LAMA3: variants seen among roughly 807,000 people sequenced by gnomAD.
LAMA3 encodes laminin subunit alpha-3.
A neutral mutation model predicts 402.0 loss-of-function variants in LAMA3; 281 were observed. That is an observed-to-expected ratio of 0.70 (90% CI 0.63 to 0.77). LAMA3 has a LOEUF of 0.77. Ranked by LOEUF, LAMA3 falls within the 30% of genes least tolerant of loss-of-function variation. The pLI, the probability that LAMA3 is intolerant of heterozygous loss-of-function variation, is 0.00. For synonymous variants in LAMA3, 1,431 were observed against 1,558.4 expected (o/e 0.92, Z 1.93); for missense variants, 3,840 against 4,215.5 (o/e 0.91, Z 2.47).
intron 42 of LAMA3, among the ~76,000 whole-genome samples, chr18:23,893,268 A>T (rs1468163644): frequency 2.0e-5 from 3 of 152,192 alleles, no homozygotes; most frequent in Non-Finnish European, 2.9e-5. Context: ...AAGTGAGAGG[A>T]CATGTCAATG....
At position 23,898,652 on chromosome 18, in the gene LAMA3, A is replaced by G. The variant is rs191351527; in HGVS notation, c.5614-86A>G. The G allele has an allele frequency of 1.5e-3, 1,258 of 818,926 alleles. 5 individuals carry two copies. The highest frequency in any genetic ancestry group is 2.0e-3 in the Non-Finnish European group (900 of 457,436). 50.7% of individuals were successfully genotyped at this position (818,926 alleles called of 1,614,324 possible). A position where few individuals can be genotyped will look rare whatever the true frequency, so the allele number is the denominator to read the frequency against. On this transcript the variant is annotated intron_variant, in intron 44 of 74. Transcript: ENST00000313654. ...GAACTGAAAATGGTCTTGCCAAATG[A>G]TTCTTCATTTATAACCCTGTTGACC...
At chr18:23,788,801 G>T (rs922491692) in intron 12 of LAMA3, among the ~76,000 whole-genome samples, 1 of 151,656 alleles carries the variant, frequency 6.6e-6, no homozygotes, top group Non-Finnish European at 1.5e-5. Flanking sequence ...TCTTGCACTC[G>T]AAAGGGCACT....
intron 12 of LAMA3, among the ~76,000 whole-genome samples, chr18:23,795,816 GAC>G (rs1712145696): frequency 6.6e-6 from 1 of 151,998 alleles, no homozygotes; most frequent in East Asian, 1.9e-4. Flanking sequence ...GCAGCTCTTA[GAC>G]ACACATTATT....
At chr18:23,897,753 C>G (rs140363756) in intron 44 of LAMA3, among the ~76,000 whole-genome samples, 3 of 152,338 alleles carry the variant, frequency 2.0e-5, no homozygotes, top group African/African-American at 7.2e-5. Context: ...TATCTTCTTG[C>G]TGTATCACAC....
At chr18:23,776,736 A>G (rs1391081270) in intron 10 of LAMA3, among the ~76,000 whole-genome samples, 1 of 151,764 alleles carries the variant, frequency 6.6e-6, no homozygotes, top group Non-Finnish European at 1.5e-5. Context: ...CTTAAATTGC[A>G]CCCACTTTCT....
Position 23,951,756 on chromosome 18 carries a change from G to A in LAMA3, c.9715G>A (p.Gly3239Arg). The change falls in exon 73 of 75, where the codon GGA (glycine) becomes AGA (arginine). Residue 3239 changes from glycine to arginine, a missense_variant. Coordinates refer to ENST00000313654, the MANE Select transcript of LAMA3 (RefSeq NM_198129.4). ...CACACCAAAGCAGTCTCTGTGTGAT[G>A]GACAGTGGCACTCGGTGGCAGGTAT... is the stretch of plus-strand genomic sequence containing the variant. Reference protein sequence around the residue: ...SVTPKQSLCDGQWHSVAVTIK... With the variant: ...SVTPKQSLCDRQWHSVAVTIK... The A allele has an allele frequency of 6.2e-7, 1 of 1,613,718 alleles. No individual in the cohort carries two copies. Among genetic ancestry groups the A allele is most frequent in the Non-Finnish European group, 8.5e-7 (1 of 1,179,660 alleles).
Position 23,912,746 on chromosome 18 carries a change from A to G in LAMA3, c.7194A>G (p.Gly2398=). The G allele has an allele frequency of 2.5e-6, 4 of 1,614,146 alleles. No individual in the cohort carries two copies. The highest frequency in any genetic ancestry group is 3.4e-6 in the Non-Finnish European group (4 of 1,179,976). Reference sequence around the variant, plus strand: ...CCATGAGGTTCAATGGTAAATCTGGAGTCGAAGTCCGACTGCCAAATGACC... The same window carrying G: ...CCATGAGGTTCAATGGTAAATCTGGGGTCGAAGTCCGACTGCCAAATGACC... ...AVPMRFNGKS[G]VEVRLPNDLE... is the part of the protein sequence containing the mutation. The change falls in exon 56 of 75, where the codon GGA becomes GGG. Residue 2398 remains glycine, a synonymous_variant. Coordinates refer to ENST00000313654, the MANE Select transcript of LAMA3 (RefSeq NM_198129.4).
Position 23,846,370 on chromosome 18 carries a change from C to T in LAMA3, c.3793C>T (p.Pro1265Ser). 2 of 1,614,242 alleles carry T rather than the reference C, an allele frequency of 1.2e-6. No individual in the cohort carries two copies. Among genetic ancestry groups the T allele is most frequent in the Non-Finnish European group, 1.7e-6 (2 of 1,180,042 alleles). The change falls in exon 31 of 75, where the codon CCT (proline) becomes TCT (serine). Residue 1265 changes from proline to serine, a missense_variant. Pro to Ser is a moderately conservative substitution (Grantham distance 74). Coordinates refer to ENST00000313654, the MANE Select transcript of LAMA3 (RefSeq NM_198129.4). ...LVAFYHKGALPCECHPTGATG... is the reference protein window; with the variant it reads ...LVAFYHKGALSCECHPTGATG... Reference sequence around the variant, plus strand: ...GGCCTTTTACCACAAGGGCGCCCTGCCTTGTGAGTGCCACCCCACTGGGGC... The same window carrying T: ...GGCCTTTTACCACAAGGGCGCCCTGTCTTGTGAGTGCCACCCCACTGGGGC...
At position 23,713,952 on chromosome 18, in the gene LAMA3, C is replaced by A. The variant is rs1398370129; in HGVS notation, c.327C>A (p.Asp109Glu). Residue 109 changes from aspartate to glutamate, a missense_variant, in exon 2 of 75, where the codon GAC (aspartate) becomes GAA (glutamate). Asp to Glu is a conservative substitution (Grantham distance 45). Transcript: ENST00000313654. ...GQFCDYCNSE[D>E]PRKAHPVTNA... ...TCTGTGACTATTGCAATTCTGAAGA[C>A]CCCAGGAAAGCACATCCTGTCACCA... is the stretch of plus-strand genomic sequence containing the variant. The A allele has an allele frequency of 6.2e-7, 1 of 1,613,396 alleles. No individual in the cohort carries two copies. The highest frequency in any genetic ancestry group is 8.5e-7 in the Non-Finnish European group (1 of 1,179,866).
At position 23,819,871 on chromosome 18, in the gene LAMA3, G is replaced by A. The variant is rs373205002; in HGVS notation, c.2178G>A (p.Leu726=). ...RPENNYYFPD[L]HHMKYEIEDG... ...AAAACAACTACTATTTCCCAGATTT[G>A]CATCATATGAAGTATGAGATTGAAG... Residue 726 remains leucine, a synonymous_variant, in exon 19 of 75, where the codon TTG becomes TTA. Transcript: ENST00000313654. The A allele has an allele frequency of 1.4e-4, 223 of 1,613,908 alleles. No homozygotes were observed. The highest frequency in any genetic ancestry group is 1.9e-4 in the Non-Finnish European group (220 of 1,179,948).
chr18:23,805,605 A>G (rs921036740), intron 12 of LAMA3, among the ~76,000 whole-genome samples: 2 of 152,206 alleles, frequency 1.3e-5, no homozygotes, highest in African/African-American at 4.8e-5. Flanking sequence ...CACTGCCCTC[A>G]TTATAAGATG....
chr18:23,859,463 T>C (rs1224230616), intron 34 of LAMA3, among the ~76,000 whole-genome samples: 1 of 152,208 alleles, frequency 6.6e-6, no homozygotes, highest in African/African-American at 2.4e-5. Context: ...CCAGTACTTC[T>C]CCAGTGCTTT....
chr18:23,776,409 A>C (rs2062319941), intron 10 of LAMA3, among the ~76,000 whole-genome samples: 1 of 152,236 alleles, frequency 6.6e-6, no homozygotes, highest in Non-Finnish European at 1.5e-5. Context: ...AGAGAAAAAA[A>C]TACATATCTG....
At chr18:23,700,028 C>A (rs904068189) in intron 1 of LAMA3, among the ~76,000 whole-genome samples, 10 of 151,994 alleles carry the variant, frequency 6.6e-5, no homozygotes, top group Admixed American at 1.3e-4. Flanking sequence ...TATCACAAAC[C>A]CTTGCAGCAG....
rs762675518 is a variant in LAMA3 at position 23,939,326 on chromosome 18, T to C, written c.8966T>C (p.Phe2989Ser). 9.3e-6 allele frequency: 15 copies of C among 1,614,086 alleles called. No homozygotes were observed. The highest frequency in any genetic ancestry group is 1.1e-5 in the South Asian group (1 of 91,090). The change falls in exon 68 of 75, where the codon TTT (phenylalanine) becomes TCT (serine). Residue 2989 changes from phenylalanine to serine, a missense_variant. Phe to Ser is a radical substitution (Grantham distance 155). Around this residue, in one of 3 missense-constraint regions of LAMA3, gnomAD observed 840 missense variants for 981.9 expected, o/e 0.86. Coordinates refer to ENST00000313654, the MANE Select transcript of LAMA3 (RefSeq NM_198129.4). Reference protein sequence around the residue: ...KTQANHGALQFGDIPTSHLLF... With the variant: ...KTQANHGALQSGDIPTSHLLF... The stretch of plus-strand genomic sequence containing the variant: ...CAGGCCAATCATGGAGCCCTCCAGT[T>C]TGGGGACATTCCCACCAGCCACTTG...
chr18:23,902,383 A>G (rs989382748), intron 48 of LAMA3, among the ~76,000 whole-genome samples: 1 of 152,210 alleles, frequency 6.6e-6, no homozygotes, highest in Non-Finnish European at 1.5e-5. Flanking sequence ...ATAGGGTTAC[A>G]AAACAACAGT....
At chr18:23,791,002 T>C (rs9955404) in intron 12 of LAMA3, among the ~76,000 whole-genome samples, 35,597 of 151,716 alleles carry the variant, frequency 0.23, 6,122 homozygotes, top group East Asian at 0.65. Context: ...CATTCTCCTG[T>C]CTCAGCCTCT....
At chr18:23,948,588 G>C (rs1338080081) in intron 70 of LAMA3, among the ~76,000 whole-genome samples, 1 of 120,206 alleles carries the variant, frequency 8.3e-6, no homozygotes, top group Admixed American at 8.5e-5. Context: ...TTTTTTTTTT[G>C]AGTTGGAGTC....
intron 1 of LAMA3, among the ~76,000 whole-genome samples, chr18:23,691,401 GA>G (rs1401627283): frequency 6.6e-6 from 1 of 151,830 alleles, no homozygotes; most frequent in Non-Finnish European, 1.5e-5. Context: ...TGCAAGAAAA[GA>G]AACTAAAAAT....
Sources: gnomAD v4.1 joint callset for allele counts (sites outside exome capture counted in the v4.1 genomes callset) on GRCh38, gnomAD v4.1.1 for gene constraint, gnomAD v4.1.1 regional missense constraint, MANE v1.5 for transcripts, NCBI Gene and HGNC (gene_info 2026-07-23, HGNC 2026-07-21) for gene names.